The following ITGAD variants were observed in gnomAD, a reference collection of about 807,000 sequenced individuals.
ITGAD encodes integrin subunit alpha D.
ITGAD carries 105 observed loss-of-function variants against 139.0 expected under a neutral mutation model. The ratio of observed to expected loss-of-function variants is 0.76; its 90% CI spans 0.65 to 0.89. The LOEUF (loss-of-function observed/expected upper bound fraction) is 0.89. ITGAD is among the 40% of genes least tolerant of loss of function. The probability of loss-of-function intolerance (pLI) is 0.00; values close to 1 mark genes in which losing one functional copy is unlikely to be tolerated. For missense variants in ITGAD, 1,384 were observed against 1,487.3 expected (o/e 0.93, Z 1.14); for synonymous variants, 569 against 598.3 (o/e 0.95, Z 0.71).
chr16:31,403,640 A>G lies in ITGAD; in HGVS notation c.699A>G (p.Thr233=). ...GLTFTATGIL[T]VVTQLFHHKN... ...CGTTCACGGCCACGGGCATCCTGAC[A>G]GTGGTGTAAGCAACCCCGACCCCAG... The change falls in exon 7 of 30, where the codon ACA becomes ACG. Residue 233 remains threonine, a synonymous_variant. Coordinates refer to ENST00000389202, the MANE Select transcript of ITGAD (RefSeq NM_005353.3). This position sits in a 1 kb window ranked among gnomAD's most constrained non-coding sequence, Gnocchi z 4.4. 1.2e-6 allele frequency: 2 copies of G among 1,614,112 alleles called. No homozygotes were observed. The highest frequency in any genetic ancestry group is 1.1e-5 in the South Asian group (1 of 91,086).
At chr16:31,417,331 C>T (rs1157937195) in intron 20 of ITGAD, among the ~76,000 whole-genome samples, 1 of 151,074 alleles carries the variant, frequency 6.6e-6, no homozygotes, top group Admixed American at 6.6e-5. Context: ...CCACCTCAGC[C>T]CTTAAAGTGC....
chr16:31,426,216 G>T lies in ITGAD; in HGVS notation c.*88G>T. The stretch of plus-strand genomic sequence containing the variant: ...CTTACATGGAAACAACTTCTGCATA[G>T]ATCTGCACTGGCCTAAGCAACCTAC... On this transcript the variant is annotated 3_prime_UTR_variant, in exon 30 of 30. Transcript: ENST00000389202. The T allele has an allele frequency of 1.2e-6, 1 of 865,720 alleles. No individual in the cohort carries two copies. Among genetic ancestry groups the T allele is most frequent in the Non-Finnish European group, 1.9e-6 (1 of 522,756 alleles). 53.6% of individuals were successfully genotyped at this position (865,720 alleles called of 1,614,324 possible). A position where few individuals can be genotyped will look rare whatever the true frequency, so the allele number is the denominator to read the frequency against.
At position 31,394,765 on chromosome 16, in the gene ITGAD, G is replaced by A. The variant is rs1347083570; in HGVS notation, c.137+424G>A. Among the ~76,000 whole-genome samples the A allele has an allele frequency of 1.5e-4, 23 of 152,290 alleles. No homozygotes were observed. In the South Asian group the frequency reaches 4.4e-3, roughly 29 times the overall value. ...CAGCTTACTGCAGCCTCAAACTCTCGGGCACAAGTGATCCTCTCACCTCAG... is the reference window on the plus strand; with the variant it reads ...CAGCTTACTGCAGCCTCAAACTCTCAGGCACAAGTGATCCTCTCACCTCAG... On this transcript the variant is annotated intron_variant, in intron 2 of 29. Coordinates refer to ENST00000389202, the MANE Select transcript of ITGAD (RefSeq NM_005353.3).
chr16:31,415,249 G>A (rs550400470), intron 18 of ITGAD, among the ~76,000 whole-genome samples: 1 of 152,104 alleles, frequency 6.6e-6, no homozygotes, highest in East Asian at 1.9e-4. Context: ...GAGTTGACAC[G>A]AAATGGTTCC....
rs192955967 is a variant in ITGAD at position 31,398,170 on chromosome 16, A to T, written c.427+261A>T. On this transcript the variant is annotated intron_variant, in intron 5 of 29. Coordinates refer to ENST00000389202, the MANE Select transcript of ITGAD (RefSeq NM_005353.3). ...AGTGGCTCAGGCCTGTAATTCCAGC[A>T]TTTTAGGAGGCTGAGGTGGGCGGAT... Among the ~76,000 whole-genome samples, 60 of 152,238 alleles carry T rather than the reference A, an allele frequency of 3.9e-4. 1 individual carries two copies. Among genetic ancestry groups the T allele is most frequent in the African/African-American group, 1.3e-3 (55 of 41,556 alleles).
Position 31,424,199 on chromosome 16 carries a change from C to T in ITGAD, c.3257C>T (p.Ala1086Val). 1 of 1,614,186 alleles carries T rather than the reference C, an allele frequency of 6.2e-7. No individual in the cohort carries two copies. Among genetic ancestry groups the T allele is most frequent in the South Asian group, 1.1e-5 (1 of 91,088 alleles). The change falls in exon 28 of 30, where the codon GCT becomes GTT. Residue 1086 changes from alanine to valine, a missense_variant. Ala to Val is a moderately conservative substitution (Grantham distance 64, BLOSUM62 0). Transcript: ENST00000389202. ...QLPGQEAFMR[A>V]QMEMVLEEDE... ...CCAGGACAGGAGGCATTTATGAGAG[C>T]TCAGGTAGAGACCATGTGGAGGGCA...
At chr16:31,401,261 A>T (rs1429745770) in intron 5 of ITGAD, among the ~76,000 whole-genome samples, 1 of 152,194 alleles carries the variant, frequency 6.6e-6, no homozygotes, top group South Asian at 2.1e-4. Flanking sequence ...TCTGCCTCAA[A>T]AAAACAAAAA....
intron 5 of ITGAD, among the ~76,000 whole-genome samples, chr16:31,401,330 C>T (rs150992179): frequency 6.6e-6 from 1 of 152,334 alleles, no homozygotes; most frequent in East Asian, 1.9e-4. Flanking sequence ...GCTGGCCCTT[C>T]AGACGCTGAA....
intron 23 of ITGAD, among the ~76,000 whole-genome samples, chr16:31,422,129 G>A (rs1355119313): frequency 2.0e-5 from 3 of 149,352 alleles, no homozygotes; most frequent in South Asian, 2.1e-4. Flanking sequence ...TTGCAGAGAC[G>A]AGGTCTCTCT....
chr16:31,397,369 G>A lies in ITGAD; in HGVS notation c.148G>A (p.Gly50Arg). Residue 50 changes from glycine (G) to arginine (R), a missense_variant, in exon 3 of 30, where the codon GGA (glycine) becomes AGA (arginine). By Grantham distance (125) the Gly-to-Arg change is moderately radical. Coordinates refer to ENST00000389202, the MANE Select transcript of ITGAD (RefSeq NM_005353.3). ...VQFGGSRLVVGAPLEVVAANQ... is the reference protein window; with the variant it reads ...VQFGGSRLVVRAPLEVVAANQ... ...TGGTTGTGTCTCCAGACTCGTGGTG[G>A]GAGCACCCCTGGAGGTGGTGGCGGC... The A allele has an allele frequency of 6.3e-7, 1 of 1,598,766 alleles. No individual in the cohort carries two copies. The highest frequency in any genetic ancestry group is 8.5e-7 in the Non-Finnish European group (1 of 1,172,752).
chr16:31,419,199 A>AC (rs201820409), intron 23 of ITGAD, among the ~76,000 whole-genome samples: 7 of 150,826 alleles, frequency 4.6e-5, no homozygotes, highest in African/African-American at 9.7e-5. Context: ...TCTCAAACAA[A>AC]AAAAAAAAAA....
rs560085362 is a variant in ITGAD at position 31,403,272 on chromosome 16, G to A, written c.559-228G>A. On this transcript the variant is annotated intron_variant, in intron 6 of 29. Transcript: ENST00000389202. The surrounding 1 kb of genome is among the most constrained non-coding windows in gnomAD (Gnocchi z 4.4). The stretch of plus-strand genomic sequence containing the variant: ...GAGTATTGCTTGAGGCCAAGAGTTC[G>A]AGACCAGCCTGGGCAACATAGTGAG... The A allele has an allele frequency of 1.1e-5, 5 of 471,678 alleles. No individual in the cohort carries two copies. Among genetic ancestry groups the A allele is most frequent in the South Asian group, 7.8e-5 (3 of 38,242 alleles). 29.2% of individuals were successfully genotyped at this position (471,678 alleles called of 1,614,324 possible).
At chr16:31,410,550 C>T (rs1361675821) in intron 11 of ITGAD, 26 bp downstream of exon 11, 1 of 1,597,274 alleles carries the variant, frequency 6.3e-7, no homozygotes, top group Admixed American at 1.7e-5. Flanking sequence ...GGGTTGGGGA[C>T]AGGTTGGAGA....
At chr16:31,404,767 C>T (rs1264869233) in intron 7 of ITGAD, 2 of 152,228 alleles carry the variant, frequency 1.3e-5, no homozygotes, top group African/African-American at 2.4e-5. Context: ...ATTGGACCTC[C>T]CTGCTGCCGG....
At chr16:31,394,714 C>T (rs1214573717) in intron 2 of ITGAD, among the ~76,000 whole-genome samples, 2 of 152,198 alleles carry the variant, frequency 1.3e-5, no homozygotes, top group South Asian at 2.1e-4. Context: ...CTCTGTTACC[C>T]AGGCTGGAGT....
chr16:31,397,712 G>GGGGGGGGGGGGGGGGGGGGGGT, intron 4 of ITGAD, 46 bp downstream of exon 4: 1 of 1,466,744 alleles, frequency 6.8e-7, no homozygotes, highest in African/African-American at 1.4e-5. Context: ...GGGGCGGGGG[G>GGGGGGGGGGGGGGGGGGGGGGT]TGTTGTTGGG....
At chr16:31,419,834 A>G (rs181000209) in intron 23 of ITGAD, among the ~76,000 whole-genome samples, 1 of 151,322 alleles carries the variant, frequency 6.6e-6, no homozygotes, top group African/African-American at 2.4e-5. Context: ...AAAAAAAAGA[A>G]AAAAAAAGAA....
Position 31,407,861 on chromosome 16 carries a change from T to C in ITGAD, c.954T>C (p.Phe318=). Reference sequence around the variant, plus strand: ...ACCACGTGTTCAAGGTGGACAACTTTGCAGCCCTTGGCAGCATCCAGAAGC... The same window carrying C: ...ACCACGTGTTCAAGGTGGACAACTTCGCAGCCCTTGGCAGCATCCAGAAGC... ...PQDHVFKVDN[F]AALGSIQKQL... Residue 318 remains phenylalanine, a synonymous_variant, in exon 9 of 30, where the codon TTT becomes TTC. Transcript: ENST00000389202. 1 of 1,605,680 alleles carries C rather than the reference T, an allele frequency of 6.2e-7. No homozygotes were observed. Among genetic ancestry groups the C allele is most frequent in the South Asian group, 1.1e-5 (1 of 90,888 alleles).
intron 28 of ITGAD, 48 bp downstream of exon 28, chr16:31,424,251 G>A (rs2082067609): frequency 9.3e-6 from 15 of 1,606,168 alleles, no homozygotes; most frequent in Non-Finnish European, 1.3e-5. Context: ...AGGACCCCTA[G>A]GGCTACATCT....
Sources: allele counts gnomAD v4.1 joint callset (sites outside exome capture counted in the v4.1 genomes callset), GRCh38; gene constraint gnomAD v4.1.1; non-coding constraint Gnocchi (gnomAD v3.1); transcripts MANE v1.5; gene names NCBI Gene and HGNC (gene_info 2026-07-23, HGNC 2026-07-21).